SCHIP1: variants seen among roughly 807,000 people sequenced by gnomAD.
SCHIP1 encodes schwannomin-interacting protein 1.
Under a neutral mutation model 29.7 loss-of-function variants are expected in SCHIP1, and 8 were observed. The observed-to-expected ratio is 0.27, with a 90% CI of 0.16 to 0.49. The LOEUF (loss-of-function observed/expected upper bound fraction) is 0.49. Among genes scored for constraint, SCHIP1 ranks in the 20% least tolerant of loss-of-function variants. The pLI is 0.99. For missense variants in SCHIP1, 193 were observed against 294.6 expected (o/e 0.66, Z 2.52); for synonymous variants, 76 against 94.9 (o/e 0.80, Z 1.16).
the SCHIP1 span, among the ~76,000 whole-genome samples, chr3:159,677,306 G>A: frequency 6.6e-6 from 1 of 152,210 alleles, no homozygotes; most frequent in Non-Finnish European, 1.5e-5. Context: ...GAGGCCCAAG[G>A]AGTGGCCAGT....
At chr3:159,372,842 A>T in the SCHIP1 span, among the ~76,000 whole-genome samples, 1 of 152,096 alleles carries the variant, frequency 6.6e-6, no homozygotes, top group Non-Finnish European at 1.5e-5. Flanking sequence ...GTGCAATTAC[A>T]TGTTGTTTAC....
chr3:159,743,733 G>A, the SCHIP1 span, among the ~76,000 whole-genome samples: 1 of 152,160 alleles, frequency 6.6e-6, no homozygotes, highest in African/African-American at 2.4e-5. Context: ...TTGCTGTGAA[G>A]AGAATGTCTT....
the SCHIP1 span, among the ~76,000 whole-genome samples, chr3:159,467,614 AAT>A: frequency 6.6e-6 from 1 of 152,124 alleles, no homozygotes; most frequent in Non-Finnish European, 1.5e-5. Flanking sequence ...CATAATTAGA[AAT>A]AGTTATTTTG....
the SCHIP1 span, among the ~76,000 whole-genome samples, chr3:159,562,959 CAT>C: frequency 6.6e-6 from 1 of 152,140 alleles, no homozygotes; most frequent in African/African-American, 2.4e-5. Flanking sequence ...TTTGACAAAA[CAT>C]ATAGGAAAGG....
At chr3:159,681,706 C>A in the SCHIP1 span, among the ~76,000 whole-genome samples, 1 of 152,222 alleles carries the variant, frequency 6.6e-6, no homozygotes, top group African/African-American at 2.4e-5. Flanking sequence ...TTTCCCTCAA[C>A]TTTTCTTTGC....
chr3:159,789,980 G>A, the SCHIP1 span, among the ~76,000 whole-genome samples: 1 of 152,334 alleles, frequency 6.6e-6, no homozygotes, highest in Admixed American at 6.5e-5. Context: ...CCCAGCCAAT[G>A]ATCCAAAACA....
At chr3:159,518,666 C>T in the SCHIP1 span, among the ~76,000 whole-genome samples, 1 of 152,004 alleles carries the variant, frequency 6.6e-6, no homozygotes, top group African/African-American at 2.4e-5. Context: ...GCTGAACAAC[C>T]TAGAGAGATA....
At chr3:159,317,854 G>A in the SCHIP1 span, among the ~76,000 whole-genome samples, 251 of 152,306 alleles carry the variant, frequency 1.6e-3, no homozygotes, top group African/African-American at 5.8e-3. Context: ...TCCCATATCT[G>A]GAGTAAGTGT....
At chr3:159,424,189 C>T in the SCHIP1 span, among the ~76,000 whole-genome samples, 36 of 152,166 alleles carry the variant, frequency 2.4e-4, no homozygotes, top group African/African-American at 4.6e-4. Flanking sequence ...CAAAGCTGGA[C>T]GGAGAATGAC....
chr3:159,611,325 G>A, the SCHIP1 span, among the ~76,000 whole-genome samples: 2 of 152,014 alleles, frequency 1.3e-5, no homozygotes, highest in African/African-American at 4.8e-5. Flanking sequence ...TTAAAAATAC[G>A]AGCTCTTGCA....
chr3:159,497,949 T>C, the SCHIP1 span, among the ~76,000 whole-genome samples: 1 of 152,192 alleles, frequency 6.6e-6, no homozygotes, highest in Non-Finnish European at 1.5e-5. Flanking sequence ...CATCTGTATA[T>C]TATTTTCCCT....
At chr3:159,640,972 T>C in the SCHIP1 span, among the ~76,000 whole-genome samples, 1 of 152,212 alleles carries the variant, frequency 6.6e-6, no homozygotes, top group Non-Finnish European at 1.5e-5. Context: ...ATTTTTGACT[T>C]AGAATCAAAT....
the SCHIP1 span, among the ~76,000 whole-genome samples, chr3:159,506,230 G>A: frequency 3.3e-5 from 5 of 152,180 alleles, no homozygotes; most frequent in African/African-American, 4.8e-5. Flanking sequence ...GTGATGATGA[G>A]CATTTTTTCA....
the SCHIP1 span, among the ~76,000 whole-genome samples, chr3:159,406,983 G>A: frequency 1.3e-5 from 2 of 151,992 alleles, no homozygotes; most frequent in South Asian, 4.1e-4. Context: ...AAAAAGGAAA[G>A]ACCACAAAAC....
In SCHIP1 at chr3:159,890,873, G is replaced by A. The variant is rs1391160477; in HGVS notation, c.590-1224G>A. 4.6e-5 allele frequency among the ~76,000 whole-genome samples: 7 copies of A among 152,124 alleles called. No homozygotes were observed. In the East Asian group the frequency reaches 1.4e-3, roughly 29 times the overall value. ...CAGGATATCTAAAAGCATTTCCAAG[G>A]GGGACCTGTCTGATCACCCCCATTC... On this transcript the variant is annotated intron_variant, in intron 5 of 6. Transcript: ENST00000445224.
the SCHIP1 span, among the ~76,000 whole-genome samples, chr3:159,745,036 C>T: frequency 6.6e-6 from 1 of 152,096 alleles, no homozygotes; most frequent in Admixed American, 6.6e-5. Context: ...CTGTGCAATC[C>T]TGTGCCAGGT....
At chr3:159,829,612 T>C in the SCHIP1 span, among the ~76,000 whole-genome samples, 12 of 152,336 alleles carry the variant, frequency 7.9e-5, no homozygotes, top group African/African-American at 2.9e-4. Flanking sequence ...ATTTAATTTA[T>C]CCTGCCAGGT....
intron 2 of SCHIP1, among the ~76,000 whole-genome samples, chr3:159,866,563 G>T (rs1366197484): frequency 6.6e-6 from 1 of 151,836 alleles, no homozygotes; most frequent in Non-Finnish European, 1.5e-5. Flanking sequence ...ACTGATAGAG[G>T]AATCAAGCCA....
At chr3:159,520,339 A>G in the SCHIP1 span, among the ~76,000 whole-genome samples, 1 of 152,130 alleles carries the variant, frequency 6.6e-6, no homozygotes, top group African/African-American at 2.4e-5. Context: ...ATGAGCAGCA[A>G]TGACTAAGGT....
Sources: allele counts gnomAD v4.1 joint callset (sites outside exome capture counted in the v4.1 genomes callset), GRCh38; gene constraint gnomAD v4.1.1; transcripts MANE v1.5; gene names NCBI Gene and HGNC (gene_info 2026-07-23, HGNC 2026-07-21).